The following HACD2 variants were observed in gnomAD, a reference collection of about 807,000 sequenced individuals.
HACD2 encodes the protein 3-hydroxyacyl-CoA dehydratase 2.
Under a neutral mutation model 31.0 loss-of-function variants are expected in HACD2, and 15 were observed. That is an observed-to-expected ratio of 0.48 (90% confidence interval 0.32 to 0.75). HACD2 has a LOEUF of 0.75. Among genes scored for constraint, HACD2 ranks in the 30% least tolerant of loss-of-function variants. HACD2 has a pLI of 0.03. For synonymous variants in HACD2, 115 were observed against 122.2 expected (o/e 0.94, Z 0.39); for missense variants, 283 against 313.0 (o/e 0.90, Z 0.72).
At chr3:123,513,166 G>C (rs2056085296) in intron 4 of HACD2, among the ~76,000 whole-genome samples, 1 of 152,076 alleles carries the variant, frequency 6.6e-6, no homozygotes, top group Admixed American at 6.6e-5. Flanking sequence ...ATAAATAATA[G>C]ACTATAACCC....
At chr3:123,576,906 T>G (rs955171639) in intron 2 of HACD2, among the ~76,000 whole-genome samples, 26 of 152,188 alleles carry the variant, frequency 1.7e-4, no homozygotes, top group African/African-American at 6.3e-4. Flanking sequence ...CATTAAAGGA[T>G]CTGAAGAGCA....
At chr3:123,525,621 T>TC (rs1159669899) in intron 4 of HACD2, among the ~76,000 whole-genome samples, 1 of 152,052 alleles carries the variant, frequency 6.6e-6, no homozygotes, top group Non-Finnish European at 1.5e-5. Context: ...ACAAGGGAGA[T>TC]GAGCAAAGGA....
chr3:123,582,534 A>C (rs1485319849), intron 1 of HACD2, among the ~76,000 whole-genome samples: 1 of 152,188 alleles, frequency 6.6e-6, no homozygotes, highest in African/African-American at 2.4e-5. Context: ...AAGAGGGCTC[A>C]GTGAAAGCAT....
intron 3 of HACD2, among the ~76,000 whole-genome samples, chr3:123,561,273 A>C (rs2056726509): frequency 6.6e-6 from 1 of 152,168 alleles, no homozygotes; most frequent in African/African-American, 2.4e-5. Flanking sequence ...TAAGGTGATT[A>C]TGATTTTTTT....
Position 123,537,718 on chromosome 3 carries a change from AT to A in HACD2, c.293-9245del, listed in dbSNP as rs1402654375. Among the ~76,000 whole-genome samples, 7 of 152,048 alleles carry A rather than the reference AT, an allele frequency of 4.6e-5. No homozygotes were observed. The East Asian group carries it at 9.7e-4, about 21-fold the overall frequency. ...TCTGTCTGCCTACTTTTTCTTTCTC[AT>A]ATTAATATACATGTGAAGAGAATGC... On this transcript the variant is annotated intron_variant, in intron 3 of 6. Transcript: ENST00000383657.
rs2056931349 is a variant in HACD2 at position 123,578,462 on chromosome 3, G to A, written c.273+3750C>T. On this transcript the variant is annotated intron_variant, in intron 2 of 6. Transcript: ENST00000383657. The stretch of plus-strand genomic sequence containing the variant: ...ATTTTTTAATTTTTTGTAGAGATGG[G>A]GTCTCGCTATGTTTCCCAGGATGGT... Among the ~76,000 whole-genome samples, 3 of 151,886 alleles carry A rather than the reference G, an allele frequency of 2.0e-5. No individual in the cohort carries two copies. In the South Asian group the frequency reaches 6.2e-4, roughly 32 times the overall value.
At chr3:123,574,739 T>C (rs923142076) in intron 2 of HACD2, among the ~76,000 whole-genome samples, 15 of 152,238 alleles carry the variant, frequency 9.9e-5, no homozygotes, top group African/African-American at 3.6e-4. Flanking sequence ...AATCTTTTAC[T>C]CCCCCCTTGC....
chr3:123,513,275 G>T (rs2056086702), intron 4 of HACD2, among the ~76,000 whole-genome samples: 1 of 152,214 alleles, frequency 6.6e-6, no homozygotes, highest in Admixed American at 6.5e-5. Context: ...CAACTCCCAT[G>T]TGTAAAAGAA....
Position 123,571,962 on chromosome 3 carries a change from A to C in HACD2, c.274-4182T>G, listed in dbSNP as rs529149812. Among the ~76,000 whole-genome samples, 3 of 152,342 alleles carry C rather than the reference A, an allele frequency of 2.0e-5. No individual in the cohort carries two copies. In the South Asian group the frequency reaches 6.2e-4, roughly 32 times the overall value. On this transcript the variant is annotated intron_variant, in intron 2 of 6. Coordinates refer to ENST00000383657, the MANE Select transcript of HACD2 (RefSeq NM_198402.5). ...GGGTTGGCCTGGGGAGATATGCAGA[A>C]GCCAAGGAGGATGCAGAACAAATCT...
At chr3:123,584,319 A>G (rs1317054054) in intron 1 of HACD2, 2 of 152,236 alleles carry the variant, frequency 1.3e-5, no homozygotes, top group Non-Finnish European at 1.5e-5. Context: ...TCCCCACCCC[A>G]ACCCATCCTA....
intron 3 of HACD2, among the ~76,000 whole-genome samples, chr3:123,562,316 A>C (rs2107742045): frequency 6.6e-6 from 1 of 152,274 alleles, no homozygotes; most frequent in East Asian, 1.9e-4. Context: ...CATGGATTTT[A>C]GTTGATTGTT....
At position 123,584,922 on chromosome 3, in the gene HACD2, G is replaced by A. The variant is rs1424710460; in HGVS notation, c.106C>T (p.Pro36Ser). The change falls in exon 1 of 7, where the codon CCC becomes TCC. Residue 36 changes from proline (P) to serine (S), a missense_variant. Physicochemically the swap from Pro to Ser is moderately conservative, Grantham distance 74 (BLOSUM62 -1). Around this residue, in one of 3 missense-constraint regions of HACD2, gnomAD observed 158 missense variants for 148.3 expected, o/e 1.07. Coordinates refer to ENST00000383657, the MANE Select transcript of HACD2 (RefSeq NM_198402.5). Reference protein sequence around the residue: ...SGTRKKKGPGPLATAYLVIYN... With the variant: ...SGTRKKKGPGSLATAYLVIYN... ...ATGACCAGGTACGCCGTGGCCAGGG[G>A]CCCCGGGCCCTTCTTCTTCCGCGTG... 3.3e-6 allele frequency: 5 copies of A among 1,529,292 alleles called. No individual in the cohort carries two copies. Among genetic ancestry groups the A allele is most frequent in the Non-Finnish European group, 4.4e-6 (5 of 1,138,008 alleles). 94.7% of individuals were successfully genotyped at this position (1,529,292 alleles called of 1,614,324 possible). A position where few individuals can be genotyped will look rare whatever the true frequency, so the allele number is the denominator to read the frequency against.
chr3:123,567,115 G>A (rs1305993358), intron 3 of HACD2, among the ~76,000 whole-genome samples: 3 of 152,056 alleles, frequency 2.0e-5, no homozygotes, highest in African/African-American at 4.8e-5. Context: ...CAATCACTAC[G>A]GTCTTGCTCT....
At chr3:123,526,305 G>A (rs1456114) in intron 4 of HACD2, among the ~76,000 whole-genome samples, 82,918 of 152,096 alleles carry the variant, frequency 0.55, 25,327 homozygotes, top group Non-Finnish European at 0.69. Context: ...TAAACAAAAC[G>A]ATGAATGAGG....
chr3:123,552,818 G>A (rs2056633948), intron 3 of HACD2, among the ~76,000 whole-genome samples: 1 of 152,018 alleles, frequency 6.6e-6, no homozygotes. Flanking sequence ...TATCTGAAAT[G>A]AAGACTAAAT....
rs1251666363 is a variant in HACD2 at position 123,522,552 on chromosome 3, T to C, written c.381+5834A>G. Among the ~76,000 whole-genome samples, 3 of 152,146 alleles carry C rather than the reference T, an allele frequency of 2.0e-5. No homozygotes were observed. The East Asian group carries it at 5.8e-4, about 29-fold the overall frequency. On this transcript the variant is annotated intron_variant, in intron 4 of 6. Transcript: ENST00000383657. ...GTAACGGCAAAAGGATCCAGCTAGC[T>C]ATGAGATAACTAACACAATCTTTAA...
intron 3 of HACD2, among the ~76,000 whole-genome samples, chr3:123,531,521 C>T (rs1055026741): frequency 2.0e-5 from 3 of 151,936 alleles, no homozygotes; most frequent in African/African-American, 7.3e-5. Flanking sequence ...AGTTTCAGGT[C>T]ATCTGAAACT....
chr3:123,529,140 A>G (rs1245258886), intron 3 of HACD2, among the ~76,000 whole-genome samples: 2 of 152,034 alleles, frequency 1.3e-5, no homozygotes, highest in African/African-American at 4.8e-5. Context: ...TCACTCTGTC[A>G]CCCAGGCTGG....
intron 3 of HACD2, among the ~76,000 whole-genome samples, chr3:123,530,252 TC>T (rs1207174127): frequency 6.6e-6 from 1 of 152,032 alleles, no homozygotes; most frequent in Non-Finnish European, 1.5e-5. Flanking sequence ...TTAAAGGATT[TC>T]TTTTTTTAAA....
Sources: allele counts gnomAD v4.1 joint callset (sites outside exome capture counted in the v4.1 genomes callset), GRCh38; gene constraint gnomAD v4.1.1; regional missense constraint gnomAD v4.1.1; transcripts MANE v1.5; gene names NCBI Gene and HGNC (gene_info 2026-07-23, HGNC 2026-07-21).